The following GPR153 variants were observed in gnomAD, a reference collection of about 807,000 sequenced individuals.
GPR153 encodes G protein-coupled receptor 153, also known as probable G protein-coupled receptor 153.
In GPR153, 27 loss-of-function variants were observed where a neutral mutation model predicts 34.1. The ratio of observed to expected loss-of-function variants is 0.79; its 90% CI spans 0.58 to 1.09. The LOEUF is 1.09. GPR153 is among the 50% of genes least tolerant of loss of function. The pLI is 0.00. For missense variants in GPR153, 848 were observed against 860.2 expected (o/e 0.99, Z 0.18); for synonymous variants, 408 against 405.4 (o/e 1.01, Z -0.08).
At position 6,249,564 on chromosome 1, in the gene GPR153, C is replaced by T; in HGVS notation, c.1604G>A (p.Gly535Glu). 1 of 1,187,018 alleles carries T rather than the reference C, an allele frequency of 8.4e-7. No individual in the cohort carries two copies. Among genetic ancestry groups the T allele is most frequent in the Non-Finnish European group, 1.0e-6 (1 of 959,444 alleles). The allele number at this position is 1,187,018 out of a possible 1,614,324, so 73.5% of individuals were successfully genotyped here. A position where few individuals can be genotyped will look rare whatever the true frequency, so the allele number is the denominator to read the frequency against. Reference protein sequence around the residue: ...APAAPDGADPGEAPTPPSSAQ... With the variant: ...APAAPDGADPEEAPTPPSSAQ... ...GCTGCTTGGGGGCGTCGGGGCCTCT[C>T]CGGGATCTGCGCCGTCGGGGGCGGC... The change falls in exon 6 of 6, where the codon GGA becomes GAA. Residue 535 changes from glycine to glutamate, a missense_variant. Coordinates refer to ENST00000377893, the MANE Select transcript of GPR153 (RefSeq NM_207370.4). This position sits in a 1 kb window ranked among gnomAD's most constrained non-coding sequence, Gnocchi z 4.3.
rs1638511374 is a variant in GPR153 at position 6,254,101 on chromosome 1, A to T, written c.403T>A (p.Trp135Arg). 6.2e-7 allele frequency: 1 copy of T among 1,613,466 alleles called. No individual in the cohort carries two copies. Among genetic ancestry groups the T allele is most frequent in the Admixed American group, 1.7e-5 (1 of 60,002 alleles). The part of the protein sequence containing the change: ...KQAVHTVMGI[W>R]MVSFILSALP... ...GCCGACAGGATGAAGGACACCATCC[A>T]GATACCCATGACTGTGTGCACCGCC... The change falls in exon 3 of 6, where the codon TGG (tryptophan) becomes AGG (arginine). Residue 135 changes from tryptophan to arginine, a missense_variant. Coordinates refer to ENST00000377893, the MANE Select transcript of GPR153 (RefSeq NM_207370.4).
chr1:6,250,096 C>G, intron 5 of GPR153, 93 bp from the exon 6 acceptor site: 2 of 1,293,274 alleles, frequency 1.5e-6, no homozygotes, highest in Non-Finnish European at 9.8e-7. Context: ...TTCCGTGGGT[C>G]AGGGACCAGG....
In GPR153 at chr1:6,249,300, C is replaced by G. The variant is rs1324767709; in HGVS notation, c.*38G>C. 8.1e-7 allele frequency: 1 copy of G among 1,239,594 alleles called. No individual in the cohort carries two copies. Among genetic ancestry groups the G allele is most frequent in the Non-Finnish European group, 1.0e-6 (1 of 989,846 alleles). 76.8% of individuals were successfully genotyped at this position (1,239,594 alleles called of 1,614,324 possible). A position where few individuals can be genotyped will look rare whatever the true frequency, so the allele number is the denominator to read the frequency against. On this transcript the variant is annotated 3_prime_UTR_variant, in exon 6 of 6. Transcript: ENST00000377893. The surrounding 1 kb of genome is among the most constrained non-coding windows in gnomAD (Gnocchi z 4.3). The stretch of plus-strand genomic sequence containing the variant: ...TGGTGCTGCGGCCCCGGAGAGCGGC[C>G]TGGCCTGCCTGGCGTCCGTGGGGAG...
At chr1:6,257,379 G>C (rs1638589232) in intron 1 of GPR153, among the ~76,000 whole-genome samples, 1 of 152,246 alleles carries the variant, frequency 6.6e-6, no homozygotes, top group Non-Finnish European at 1.5e-5. Flanking sequence ...CACCCTGAGA[G>C]GGGGCAGGCA....
rs886688392 is a variant in GPR153 at position 6,251,662 on chromosome 1, G to C, written c.787-132C>G. On this transcript the variant is annotated intron_variant, in intron 3 of 5. Transcript: ENST00000377893. This position sits in a 1 kb window ranked among gnomAD's most constrained non-coding sequence, Gnocchi z 4.9. Reference sequence around the variant, plus strand: ...ATCTGCCAAGGAGAAGGGGCCCTTGGGGAGAAAAGAGCTGGAGCGTGGCAG... The same window carrying C: ...ATCTGCCAAGGAGAAGGGGCCCTTGCGGAGAAAAGAGCTGGAGCGTGGCAG... 31 of 1,047,170 alleles carry C rather than the reference G, an allele frequency of 3.0e-5. 1 individual carries two copies. The Admixed American group carries it at 9.2e-4, about 31-fold the overall frequency. 64.9% of individuals were successfully genotyped at this position (1,047,170 alleles called of 1,614,324 possible).
chr1:6,251,657 C>A lies in GPR153; in HGVS notation c.787-127G>T. 1.8e-6 allele frequency: 2 copies of A among 1,082,598 alleles called. No homozygotes were observed. Among genetic ancestry groups the A allele is most frequent in the East Asian group, 5.4e-5 (2 of 37,180 alleles). The allele number at this position is 1,082,598 out of a possible 1,614,324, so 67.1% of individuals were successfully genotyped here. Reference sequence around the variant, plus strand: ...TGGGTATCTGCCAAGGAGAAGGGGCCCTTGGGGAGAAAAGAGCTGGAGCGT... The same window carrying A: ...TGGGTATCTGCCAAGGAGAAGGGGCACTTGGGGAGAAAAGAGCTGGAGCGT... On this transcript the variant is annotated intron_variant, in intron 3 of 5. Coordinates refer to ENST00000377893, the MANE Select transcript of GPR153 (RefSeq NM_207370.4). The surrounding 1 kb of genome is among the most constrained non-coding windows in gnomAD (Gnocchi z 4.9).
rs571099896 is a variant in GPR153 at position 6,249,316 on chromosome 1, C to T, written c.*22G>A. ...GAGAGCGGCCTGGCCTGCCTGGCGT[C>T]CGTGGGGAGGCGCCGGCGGTCCTAG... On this transcript the variant is annotated 3_prime_UTR_variant, in exon 6 of 6. Transcript: ENST00000377893. The surrounding 1 kb of genome is among the most constrained non-coding windows in gnomAD (Gnocchi z 4.3). 32 of 1,258,862 alleles carry T rather than the reference C, an allele frequency of 2.5e-5. No individual in the cohort carries two copies. Among genetic ancestry groups the T allele is most frequent in the Non-Finnish European group, 2.0e-5 (20 of 1,002,688 alleles). 78.0% of individuals were successfully genotyped at this position (1,258,862 alleles called of 1,614,324 possible).
intron 1 of GPR153, among the ~76,000 whole-genome samples, chr1:6,260,140 G>A (rs1307206035): frequency 4.6e-5 from 7 of 152,256 alleles, no homozygotes; most frequent in Admixed American, 4.6e-4. Context: ...AGGCCGCGCG[G>A]CCCCGAGGCC....
chr1:6,250,027 A>C lies in GPR153; in HGVS notation c.1165-24T>G, dbSNP rs1057089254. ...ACCTGTCAGGACGCGGCTGGCTTTTACCCCGAGCTGCCCTCCTGGGAAACG... is the reference window on the plus strand; with the variant it reads ...ACCTGTCAGGACGCGGCTGGCTTTTCCCCCGAGCTGCCCTCCTGGGAAACG... On this transcript the variant is annotated intron_variant, in intron 5 of 5. Coordinates refer to ENST00000377893, the MANE Select transcript of GPR153 (RefSeq NM_207370.4). 5.8e-5 allele frequency: 73 copies of C among 1,255,844 alleles called. No individual in the cohort carries two copies. The East Asian group carries it at 2.3e-3, about 40-fold the overall frequency. The allele number at this position is 1,255,844 out of a possible 1,614,324, so 77.8% of individuals were successfully genotyped here. A position where few individuals can be genotyped will look rare whatever the true frequency, so the allele number is the denominator to read the frequency against.
chr1:6,258,694 T>C (rs1056358704), intron 1 of GPR153, among the ~76,000 whole-genome samples: 3 of 152,224 alleles, frequency 2.0e-5, no homozygotes, highest in African/African-American at 7.2e-5. Flanking sequence ...GGACTCAGCA[T>C]GCACCTAGCA....
At position 6,251,127 on chromosome 1, in the gene GPR153, GGGGCAGCCA is replaced by G. The variant is rs1337192398; in HGVS notation, c.979+202_979+210del. On this transcript the variant is annotated intron_variant, in intron 4 of 5. Transcript: ENST00000377893. The surrounding 1 kb of genome is among the most constrained non-coding windows in gnomAD (Gnocchi z 4.9). ...CAGAACATCCCATTACTTGGAACCTGGGGCAGCCAAGCCAGATAGGAGAGTGCCCTGTGG... is the reference window on the plus strand; with the variant it reads ...CAGAACATCCCATTACTTGGAACCTGAGCCAGATAGGAGAGTGCCCTGTGG... Among the ~76,000 whole-genome samples the G allele has an allele frequency of 5.3e-5, 8 of 152,206 alleles. No individual in the cohort carries two copies. Among genetic ancestry groups the G allele is most frequent in the African/African-American group, 9.7e-5 (4 of 41,440 alleles).
rs1278528970 is a variant in GPR153 at position 6,251,426 on chromosome 1, G to C, written c.891C>G (p.Leu297=). 1 of 1,613,574 alleles carries C rather than the reference G, an allele frequency of 6.2e-7. No homozygotes were observed. Among genetic ancestry groups the C allele is most frequent in the Non-Finnish European group, 8.5e-7 (1 of 1,179,968 alleles). The change falls in exon 4 of 6, where the codon CTC becomes CTG. Residue 297 remains leucine (L), a synonymous_variant. Transcript: ENST00000377893. This position sits in a 1 kb window ranked among gnomAD's most constrained non-coding sequence, Gnocchi z 4.9. ...VAQALLLPVF[L]WACDRYRADL... ...CAGCCCGGTAGCGGTCGCAGGCCCA[G>C]AGGAACACAGGCAGCAGCAGGGCCT... is the stretch of plus-strand genomic sequence containing the variant.
Position 6,249,895 on chromosome 1 carries a change from C to G in GPR153, c.1273G>C (p.Ala425Pro). ...WGSGEDLAAL[A>P]HLVLPAGPER... ...GGCCCGGCAGGCAGCACCAGGTGCG[C>G]CAGGGCGGCCAGGTCCTCGCCGGAG... The change falls in exon 6 of 6, where the codon GCG becomes CCG. Residue 425 changes from alanine (A) to proline (P), a missense_variant. Transcript: ENST00000377893. The surrounding 1 kb of genome is among the most constrained non-coding windows in gnomAD (Gnocchi z 4.3). The G allele has an allele frequency of 7.7e-7, 1 of 1,294,312 alleles. No homozygotes were observed. Among genetic ancestry groups the G allele is most frequent in the Non-Finnish European group, 9.8e-7 (1 of 1,017,452 alleles). The allele number at this position is 1,294,312 out of a possible 1,614,324, so 80.2% of individuals were successfully genotyped here.
chr1:6,250,939 G>A (rs1359699475), intron 4 of GPR153, among the ~76,000 whole-genome samples: 1 of 152,214 alleles, frequency 6.6e-6, no homozygotes, highest in Non-Finnish European at 1.5e-5. Context: ...GACAGAGCAC[G>A]GGCTGGGCTG....
intron 1 of GPR153, among the ~76,000 whole-genome samples, chr1:6,255,648 T>TTG (rs1638552453): frequency 8.5e-6 from 1 of 117,644 alleles, no homozygotes; most frequent in Non-Finnish European, 1.7e-5. Flanking sequence ...CTACGTTTTT[T>TTG]TTTTTTTTTT....
At position 6,248,863 on chromosome 1, in the gene GPR153, T is replaced by TCCCCCCC. The variant is rs369336095; in HGVS notation, c.*468_*474dup. The TCCCCCCC allele has an allele frequency of 1.4e-5, 2 of 143,122 alleles. No individual in the cohort carries two copies. Among genetic ancestry groups the TCCCCCCC allele is most frequent in the African/African-American group, 5.2e-5 (2 of 38,448 alleles). The allele number at this position is 143,122 out of a possible 1,614,324, so 8.9% of individuals were successfully genotyped here. On this transcript the variant is annotated 3_prime_UTR_variant, in exon 6 of 6. Coordinates refer to ENST00000377893, the MANE Select transcript of GPR153 (RefSeq NM_207370.4). ...CTGTGCTTAGAGACCCTCTGTACCC[T>TCCCCCCC]CCCCCCCCCCGAAGGGTGTGGCGGT...
At chr1:6,259,023 G>T (rs1638618791) in intron 1 of GPR153, among the ~76,000 whole-genome samples, 2 of 152,242 alleles carry the variant, frequency 1.3e-5, no homozygotes, top group Non-Finnish European at 2.9e-5. Flanking sequence ...CACTCGGGGA[G>T]GCCAAGGTGA....
chr1:6,256,584 G>C (rs1051994496), intron 1 of GPR153, among the ~76,000 whole-genome samples: 3 of 151,948 alleles, frequency 2.0e-5, no homozygotes, highest in Non-Finnish European at 4.4e-5. Flanking sequence ...TGGCCAGGCT[G>C]GTCCTAAACT....
rs537868875 is a variant in GPR153 at position 6,247,385 on chromosome 1, G to C, written c.*1953C>G. 1.3e-5 allele frequency: 2 copies of C among 152,328 alleles called. No individual in the cohort carries two copies. The highest frequency in any genetic ancestry group is 2.9e-5 in the Non-Finnish European group (2 of 68,042). 9.4% of individuals were successfully genotyped at this position (152,328 alleles called of 1,614,324 possible). ...CATAAGGAAGTTTTTATTGGGTCCT[G>C]TACAGAAGAGAAATGCTCCGTTGTC... is the stretch of plus-strand genomic sequence containing the variant. On this transcript the variant is annotated 3_prime_UTR_variant, in exon 6 of 6. Coordinates refer to ENST00000377893, the MANE Select transcript of GPR153 (RefSeq NM_207370.4).
Sources: allele counts gnomAD v4.1 joint callset (sites outside exome capture counted in the v4.1 genomes callset), GRCh38; gene constraint gnomAD v4.1.1; non-coding constraint Gnocchi (gnomAD v3.1); transcripts MANE v1.5; gene names NCBI Gene and HGNC (gene_info 2026-07-23, HGNC 2026-07-21).